NKAIN3: variants seen among roughly 807,000 people sequenced by gnomAD.
The protein encoded by NKAIN3 is sodium/potassium transporting ATPase interacting 3, also known as sodium/potassium-transporting ATPase subunit beta-1-interacting protein 3.
NKAIN3 carries 25 observed loss-of-function variants against 30.2 expected under a neutral mutation model. The ratio of observed to expected loss-of-function variants is 0.83; its 90% CI spans 0.60 to 1.16. The LOEUF is 1.16. NKAIN3 is among the 50% of genes most tolerant of loss of function. NKAIN3 has a pLI of 0.00. For missense variants in NKAIN3, 225 were observed against 254.1 expected, an observed-to-expected ratio of 0.89 and a Z score of 0.78; for synonymous variants, 91 against 89.6, an observed-to-expected ratio of 1.02 and a Z score of -0.09.
At chr8:62,915,586 A>ATC (rs1304291517) in intron 4 of NKAIN3, among the ~76,000 whole-genome samples, 1 of 152,158 alleles carries the variant, frequency 6.6e-6, no homozygotes, top group Non-Finnish European at 1.5e-5. Flanking sequence ...GTTTGCAGCA[A>ATC]TCTCTTACAG....
intron 1 of NKAIN3, among the ~76,000 whole-genome samples, chr8:62,577,626 G>C (rs1238427378): frequency 6.7e-6 from 1 of 148,348 alleles, no homozygotes; most frequent in Admixed American, 6.8e-5. Flanking sequence ...ATAAAATGCT[G>C]CATAGAAAAG....
At chr8:62,874,110 A>G (rs1820724949) in intron 4 of NKAIN3, among the ~76,000 whole-genome samples, 2 of 152,108 alleles carry the variant, frequency 1.3e-5, no homozygotes, top group South Asian at 4.1e-4. Context: ...AAGAAGAGAG[A>G]GAAGAATCAA....
intron 3 of NKAIN3, among the ~76,000 whole-genome samples, chr8:62,695,379 A>T (rs1814121956): frequency 3.9e-5 from 6 of 152,232 alleles, no homozygotes; most frequent in Admixed American, 3.9e-4. Flanking sequence ...AAAGTGAATC[A>T]GAGAGAAAGC....
intron 4 of NKAIN3, among the ~76,000 whole-genome samples, chr8:62,790,832 A>G (rs930581914): frequency 2.0e-5 from 3 of 152,024 alleles, no homozygotes; most frequent in African/African-American, 7.2e-5. Context: ...CCCATCACAG[A>G]TAACAGGGAG....
chr8:62,644,946 A>C lies in NKAIN3; in HGVS notation c.273+55152A>C, dbSNP rs577027002. On this transcript the variant is annotated intron_variant, in intron 3 of 6. Transcript: ENST00000623646. ...GCTATATCATCTCTGGAAAATGTGA[A>C]CTCTGTTGCATTTTTTCATTCAATA... 1.1e-4 allele frequency among the ~76,000 whole-genome samples: 16 copies of C among 152,216 alleles called. No individual in the cohort carries two copies. In the South Asian group the frequency reaches 3.3e-3, roughly 32 times the overall value.
chr8:62,914,632 T>A (rs17274940), intron 4 of NKAIN3, among the ~76,000 whole-genome samples: 10,877 of 152,250 alleles, frequency 0.071, 494 homozygotes, highest in South Asian at 0.15. Flanking sequence ...AGATGGCATT[T>A]GCTGACAAGA....
In NKAIN3 at chr8:62,669,697, G is replaced by A. The variant is rs184810094; in HGVS notation, c.274-77235G>A. Among the ~76,000 whole-genome samples the A allele has an allele frequency of 3.1e-3, 471 of 152,144 alleles. 2 individuals are homozygous for A. Among genetic ancestry groups the A allele is most frequent in the African/African-American group, 0.011 (455 of 41,512 alleles). ...TTCTGTTTGGCTTATTTGAATGACC[G>A]TGCTTTTGTATCCTTCCATCTGGGG... On this transcript the variant is annotated intron_variant, in intron 3 of 6. Coordinates refer to ENST00000623646, the MANE Select transcript of NKAIN3 (RefSeq NM_001304533.3).
intron 1 of NKAIN3, among the ~76,000 whole-genome samples, chr8:62,429,814 A>T (rs932070740): frequency 1.4e-4 from 21 of 151,934 alleles, no homozygotes; most frequent in Middle Eastern, 6.8e-3. Context: ...TTTTTTAATT[A>T]TTTTTTTATT....
chr8:62,577,208 C>T (rs1423657731), intron 1 of NKAIN3, among the ~76,000 whole-genome samples: 1 of 151,982 alleles, frequency 6.6e-6, no homozygotes, highest in East Asian at 1.9e-4. Context: ...CTTCCCACCT[C>T]AATTCATTTT....
At chr8:62,645,048 G>C (rs1020150172) in intron 3 of NKAIN3, among the ~76,000 whole-genome samples, 4 of 152,088 alleles carry the variant, frequency 2.6e-5, no homozygotes, top group Non-Finnish European at 5.9e-5. Context: ...GCTTGATTAG[G>C]TTATCTGTCA....
intron 1 of NKAIN3, among the ~76,000 whole-genome samples, chr8:62,498,805 G>A (rs552671880): frequency 9.2e-5 from 14 of 151,486 alleles, no homozygotes; most frequent in African/African-American, 1.9e-4. Flanking sequence ...CTCAGACCCC[G>A]TCAATCTCAC....
chr8:62,998,555 G>T (rs1253050753), intron 5 of NKAIN3, among the ~76,000 whole-genome samples: 4 of 152,204 alleles, frequency 2.6e-5, no homozygotes, highest in African/African-American at 9.6e-5. Context: ...GATTACAGGT[G>T]TGAGTCACCG....
intron 1 of NKAIN3, among the ~76,000 whole-genome samples, chr8:62,253,709 G>A (rs1812179547): frequency 6.6e-6 from 1 of 152,182 alleles, no homozygotes. Flanking sequence ...TGTGAGCAAA[G>A]CACCTATGAC....
chr8:62,605,218 G>A (rs545774960), intron 3 of NKAIN3, among the ~76,000 whole-genome samples: 1 of 152,164 alleles, frequency 6.6e-6, no homozygotes, highest in East Asian at 1.9e-4. Flanking sequence ...GTAAGAAGGG[G>A]CTGTATTCCT....
At chr8:62,782,584 T>C (rs1817384567) in intron 4 of NKAIN3, among the ~76,000 whole-genome samples, 3 of 151,704 alleles carry the variant, frequency 2.0e-5, no homozygotes, top group Admixed American at 2.0e-4. Context: ...GGGAATACTA[T>C]CTGGTCATAA....
intron 3 of NKAIN3, among the ~76,000 whole-genome samples, chr8:62,601,920 CT>C (rs1288507522): frequency 1.3e-5 from 2 of 151,946 alleles, no homozygotes; most frequent in Non-Finnish European, 2.9e-5. Flanking sequence ...TCCTCAGTTT[CT>C]TTTTTATAGT....
intron 1 of NKAIN3, chr8:62,483,492 A>T (rs1806796501): frequency 1.2e-5 from 2 of 162,892 alleles, no homozygotes; most frequent in Non-Finnish European, 1.3e-5. Context: ...CCAATGCTGG[A>T]CTGGAGTGTG....
At chr8:62,494,209 T>C (rs752325002) in intron 1 of NKAIN3, among the ~76,000 whole-genome samples, 1 of 152,180 alleles carries the variant, frequency 6.6e-6, no homozygotes. Flanking sequence ...ATAACTCGTT[T>C]ATTGAGAATT....
intron 1 of NKAIN3, among the ~76,000 whole-genome samples, chr8:62,561,776 AT>A (rs1437971208): frequency 1.3e-5 from 2 of 152,188 alleles, no homozygotes; most frequent in African/African-American, 2.4e-5. Context: ...TTTATCAGAA[AT>A]GGAAATAGAT....
Sources: gnomAD v4.1 joint callset for allele counts (sites outside exome capture counted in the v4.1 genomes callset) on GRCh38, gnomAD v4.1.1 for gene constraint, MANE v1.5 for transcripts, NCBI Gene and HGNC (gene_info 2026-07-23, HGNC 2026-07-21) for gene names.